The following CIDEA variants were observed in gnomAD, a reference collection of about 807,000 sequenced individuals.
CIDEA encodes the protein lipid transferase CIDEA.
In CIDEA, 10 loss-of-function variants were observed where a neutral mutation model predicts 18.2. The ratio of observed to expected loss-of-function variants is 0.55; its 90% CI spans 0.34 to 0.93. The LOEUF is 0.93. CIDEA is among the 40% of genes least tolerant of loss of function. CIDEA has a pLI of 0.02. For missense variants in CIDEA, 309 were observed against 293.1 expected, an observed-to-expected ratio of 1.05 and a Z score of -0.40; for synonymous variants, 128 against 124.8, an observed-to-expected ratio of 1.03 and a Z score of -0.17.
intron 4 of CIDEA, among the ~76,000 whole-genome samples, chr18:12,275,166 T>A (rs562713022): frequency 4.6e-5 from 7 of 152,276 alleles, no homozygotes; most frequent in African/African-American, 1.7e-4. Context: ...CTACTAAATA[T>A]ACAAAAATTA....
At position 12,277,094 on chromosome 18, in the gene CIDEA, T is replaced by TAA. The variant is rs756708419; in HGVS notation, c.513-27_513-26dup. On this transcript the variant is annotated intron_variant, in intron 4 of 4. Coordinates refer to ENST00000320477, the MANE Select transcript of CIDEA (RefSeq NM_001279.4). ...TTCTCACTGGCCCAAAATCCCAAGC[T>TAA]AAAGCCTCCCCATCTGCCTCTGCCA... 3.4e-5 allele frequency: 55 copies of TAA among 1,611,790 alleles called. No individual in the cohort carries two copies. In the Admixed American group the frequency reaches 9.2e-4, roughly 27 times the overall value.
Position 12,274,154 on chromosome 18 carries a change from T to C in CIDEA, c.392T>C (p.Phe131Ser). 6.2e-7 allele frequency: 1 copy of C among 1,614,160 alleles called. No homozygotes were observed. Among genetic ancestry groups the C allele is most frequent in the African/African-American group, 1.3e-5 (1 of 75,022 alleles). ...PKRSGIARVT[F>S]DLYRLNPKDF... ...AGGTCGGGAATAGCGAGAGTCACCTTCGACTTGTACAGGCTGAACCCCAAG... is the reference window on the plus strand; with the variant it reads ...AGGTCGGGAATAGCGAGAGTCACCTCCGACTTGTACAGGCTGAACCCCAAG... The change falls in exon 4 of 5, where the codon TTC (phenylalanine) becomes TCC (serine). Residue 131 changes from phenylalanine to serine, a missense_variant. Coordinates refer to ENST00000320477, the MANE Select transcript of CIDEA (RefSeq NM_001279.4).
chr18:12,268,888 T>C (rs1912436694), intron 3 of CIDEA, among the ~76,000 whole-genome samples: 2 of 151,358 alleles, frequency 1.3e-5, no homozygotes, highest in South Asian at 4.2e-4. Flanking sequence ...TGCAGTGGCG[T>C]GATCTCGGCT....
chr18:12,274,229 C>A lies in CIDEA; in HGVS notation c.467C>A (p.Ser156Tyr). ...NVKATMYEMY[S>Y]VSYDIRCTGL... is the part of the protein sequence containing the mutation. ...AAGGCCACCATGTATGAGATGTACT[C>A]CGTGTCCTACGACATCCGGTGCACG... Residue 156 changes from serine (S) to tyrosine (Y), a missense_variant, in exon 4 of 5, where the codon TCC (serine) becomes TAC (tyrosine). Transcript: ENST00000320477. The A allele has an allele frequency of 6.2e-7, 1 of 1,614,232 alleles. No homozygotes were observed. Among genetic ancestry groups the A allele is most frequent in the Non-Finnish European group, 8.5e-7 (1 of 1,180,040 alleles).
chr18:12,269,845 A>G (rs1359869943), intron 3 of CIDEA, among the ~76,000 whole-genome samples: 2 of 152,090 alleles, frequency 1.3e-5, no homozygotes, highest in African/African-American at 2.4e-5. Flanking sequence ...CTACCGGTGC[A>G]TGTCACCACA....
intron 1 of CIDEA, among the ~76,000 whole-genome samples, chr18:12,260,354 A>G (rs1351994073): frequency 7.1e-6 from 1 of 140,974 alleles, no homozygotes; most frequent in African/African-American, 2.5e-5. Flanking sequence ...TTTTTTTTTC[A>G]ATTTATTTTT....
At chr18:12,259,151 C>G (rs1211980980) in intron 1 of CIDEA, among the ~76,000 whole-genome samples, 4 of 152,210 alleles carry the variant, frequency 2.6e-5, no homozygotes, top group African/African-American at 9.6e-5. Flanking sequence ...AGGTGGGTCC[C>G]TGGCAAACGT....
At chr18:12,268,050 C>A (rs1912400763) in intron 3 of CIDEA, among the ~76,000 whole-genome samples, 1 of 151,964 alleles carries the variant, frequency 6.6e-6, no homozygotes, top group African/African-American at 2.4e-5. Flanking sequence ...TCCCAATAGT[C>A]AAAATTGTTT....
At position 12,277,324 on chromosome 18, in the gene CIDEA, A is replaced by G. The variant is rs1335850365; in HGVS notation, c.*54A>G. 39 of 1,598,946 alleles carry G rather than the reference A, an allele frequency of 2.4e-5. No individual in the cohort carries two copies. Among genetic ancestry groups the G allele is most frequent in the East Asian group, 4.5e-5 (2 of 44,754 alleles). ...CAAACACTGTGTTTCGTTTGGCTCA[A>G]TGACGAATGTTGAAGATGCTTTTAT... On this transcript the variant is annotated 3_prime_UTR_variant, in exon 5 of 5. Transcript: ENST00000320477.
intron 3 of CIDEA, among the ~76,000 whole-genome samples, chr18:12,270,896 T>TTTTTTTTTTTTTTTTTTTTTTTTTTTTTC: frequency 1.2e-5 from 1 of 82,868 alleles, no homozygotes; most frequent in Non-Finnish European, 2.7e-5. Context: ...TTTCTTTTCT[T>TTTTTTTTTTTTTTTTTTTTTTTTTTTTTC]TTTTTTTTTT....
In CIDEA at chr18:12,264,781, C is replaced by T. The variant is rs561345684; in HGVS notation, c.330+328C>T. Among the ~76,000 whole-genome samples, 6 of 152,276 alleles carry T rather than the reference C, an allele frequency of 3.9e-5. No individual in the cohort carries two copies. The East Asian group carries it at 1.2e-3, about 29-fold the overall frequency. ...TGTTAGCCAGGATGGTCTCGATCTC[C>T]TGACCTCGCGATCCGCCCGCCTCTG... On this transcript the variant is annotated intron_variant, in intron 3 of 4. Transcript: ENST00000320477.
chr18:12,259,212 G>A (rs926123353), intron 1 of CIDEA, among the ~76,000 whole-genome samples: 1 of 152,168 alleles, frequency 6.6e-6, no homozygotes, highest in Admixed American at 6.5e-5. Context: ...CATTTCCCTC[G>A]GGCTTGCCTC....
At chr18:12,272,279 C>A (rs544556132) in intron 3 of CIDEA, among the ~76,000 whole-genome samples, 144 of 152,134 alleles carry the variant, frequency 9.5e-4, no homozygotes, top group Non-Finnish European at 1.8e-3. Flanking sequence ...GTGGCGCGAT[C>A]TCGGCTCACT....
At chr18:12,265,238 G>C (rs1349047971) in intron 3 of CIDEA, among the ~76,000 whole-genome samples, 1 of 152,228 alleles carries the variant, frequency 6.6e-6, no homozygotes, top group Non-Finnish European at 1.5e-5. Context: ...AGTATAAAAT[G>C]CCTAAAAATG....
intron 1 of CIDEA, among the ~76,000 whole-genome samples, chr18:12,260,224 T>C (rs1174103684): frequency 6.6e-6 from 1 of 151,934 alleles, no homozygotes; most frequent in African/African-American, 2.4e-5. Flanking sequence ...TTAGAGACAG[T>C]GTCACTCTTT....
chr18:12,276,968 C>T (rs1043528549), intron 4 of CIDEA, among the ~76,000 whole-genome samples, 155 bp from the exon 5 acceptor site: 1 of 152,268 alleles, frequency 6.6e-6, no homozygotes, highest in African/African-American at 2.4e-5. Flanking sequence ...AGCCCTGGGA[C>T]ACGTGCACTC....
At chr18:12,267,389 G>T (rs1020211649) in intron 3 of CIDEA, among the ~76,000 whole-genome samples, 1 of 152,272 alleles carries the variant, frequency 6.6e-6, no homozygotes, top group Non-Finnish European at 1.5e-5. Flanking sequence ...ATGCTCTTCA[G>T]CTGTGAAAAT....
intron 4 of CIDEA, 83 bp from the exon 5 acceptor site, chr18:12,277,040 G>C: frequency 2.0e-6 from 3 of 1,495,324 alleles, no homozygotes; most frequent in Non-Finnish European, 2.8e-6. Flanking sequence ...CTTTTGGTGG[G>C]GGGAGTGAAG....
chr18:12,265,773 T>G lies in CIDEA; in HGVS notation c.330+1320T>G, dbSNP rs193088257. ...CCTCAAAGAGTTTTCATTCGTAACG[T>G]TCTCACAATGCAAGTTCACAATCAA... is the stretch of plus-strand genomic sequence containing the variant. On this transcript the variant is annotated intron_variant, in intron 3 of 4. Coordinates refer to ENST00000320477, the MANE Select transcript of CIDEA (RefSeq NM_001279.4). 4.2e-3 allele frequency among the ~76,000 whole-genome samples: 645 copies of G among 152,246 alleles called. 7 individuals are homozygous for G. Among genetic ancestry groups the G allele is most frequent in the South Asian group, 0.033 (161 of 4,818 alleles).
Sources: gnomAD v4.1 joint callset for allele counts (sites outside exome capture counted in the v4.1 genomes callset) on GRCh38, gnomAD v4.1.1 for gene constraint, MANE v1.5 for transcripts, NCBI Gene and HGNC (gene_info 2026-07-23, HGNC 2026-07-21) for gene names.